The following ATRN variants were observed in gnomAD, a reference collection of about 807,000 sequenced individuals.
ATRN encodes the protein attractin, also known as attractin-2.
ATRN carries 54 observed loss-of-function variants against 178.7 expected under a neutral mutation model. The ratio of observed to expected loss-of-function variants is 0.30; its 90% CI spans 0.24 to 0.38. The LOEUF is 0.38. Ranked by LOEUF, ATRN falls within the 10% of genes least tolerant of loss-of-function variation. The pLI is 1.00. For missense variants in ATRN, 1,443 were observed against 1,815.1 expected, an observed-to-expected ratio of 0.79 and a Z score of 3.73; for synonymous variants, 636 against 663.0, an observed-to-expected ratio of 0.96 and a Z score of 0.63.
intron 1 of ATRN, chr20:3,490,468 C>G (rs1017453781): frequency 3.0e-6 from 3 of 1,003,032 alleles, no homozygotes; most frequent in African/African-American, 3.2e-5. Flanking sequence ...CTCTAGGTAT[C>G]TCTTATACTC....
intron 1 of ATRN, among the ~76,000 whole-genome samples, chr20:3,502,278 A>G (rs80114122): frequency 0.016 from 2,490 of 152,310 alleles, 76 homozygotes; most frequent in African/African-American, 0.056. Flanking sequence ...ATTACAAATA[A>G]GATGGTATAG....
chr20:3,488,390 C>G (rs2084727827), intron 1 of ATRN, among the ~76,000 whole-genome samples: 1 of 151,852 alleles, frequency 6.6e-6, no homozygotes, highest in Non-Finnish European at 1.5e-5. Context: ...AGGTTAGAGA[C>G]ACATTTATTT....
At chr20:3,601,880 A>G (rs917865366) in intron 23 of ATRN, among the ~76,000 whole-genome samples, 3 of 151,602 alleles carry the variant, frequency 2.0e-5, no homozygotes, top group East Asian at 1.9e-4. Flanking sequence ...AAAAAAAAAA[A>G]AAAAAAGAAA....
chr20:3,631,551 T>A (rs189881294), intron 25 of ATRN, among the ~76,000 whole-genome samples: 4 of 152,272 alleles, frequency 2.6e-5, no homozygotes, highest in Non-Finnish European at 4.4e-5. Context: ...GACTCTCCTC[T>A]GCTTGCTTTT....
At chr20:3,541,852 G>T (rs139982734) in intron 3 of ATRN, among the ~76,000 whole-genome samples, 1 of 152,228 alleles carries the variant, frequency 6.6e-6, no homozygotes, top group Non-Finnish European at 1.5e-5. Flanking sequence ...ACTTTAAAAA[G>T]AAATCAGTTC....
intron 1 of ATRN, among the ~76,000 whole-genome samples, chr20:3,514,069 T>C (rs1422930052): frequency 2.0e-5 from 3 of 152,144 alleles, no homozygotes; most frequent in Non-Finnish European, 4.4e-5. Flanking sequence ...GGTACCTCAG[T>C]TGGAAATGCA....
chr20:3,555,500 C>T (rs906840720), intron 6 of ATRN, among the ~76,000 whole-genome samples: 1 of 152,082 alleles, frequency 6.6e-6, no homozygotes, highest in African/African-American at 2.4e-5. Context: ...ATTCCCTACC[C>T]AGAACTCAGA....
intron 24 of ATRN, among the ~76,000 whole-genome samples, chr20:3,608,608 T>C (rs948214935): frequency 1.3e-5 from 2 of 152,216 alleles, no homozygotes; most frequent in African/African-American, 2.4e-5. Context: ...GTGGGTACTA[T>C]AGCTTTGTAG....
chr20:3,628,691 C>G (rs1343983659), intron 25 of ATRN, among the ~76,000 whole-genome samples: 1 of 151,872 alleles, frequency 6.6e-6, no homozygotes. Context: ...AATGTAACCC[C>G]ACAGATTAAG....
rs745883465 is a variant in ATRN, at chr20:3,583,891, T to A, written c.2765-7T>A. 6.2e-7 allele frequency: 1 copy of A among 1,611,630 alleles called. No individual in the cohort carries two copies. On this transcript the variant is annotated splice_polypyrimidine_tract_variant and splice_region_variant and intron_variant, in intron 16 of 28. Transcript: ENST00000262919. ...CTCTAAGTGTCTCTCTTGGGTTTCA[T>A]TCCCAGCAAACCACAGTGCTAAGCA...
At chr20:3,630,943 TTTTTTTTTTTTTTTTTTTTTTG>T (rs2086985428) in intron 25 of ATRN, among the ~76,000 whole-genome samples, 12 of 58,910 alleles carry the variant, frequency 2.0e-4, no homozygotes, top group South Asian at 5.7e-4. Flanking sequence ...TTTTTTTTTT[TTTTTTTTTTTTTTTTTTTTTTG>T]GGATAGGGTC....
intron 1 of ATRN, among the ~76,000 whole-genome samples, chr20:3,477,422 T>C (rs239093): frequency 2.3e-3 from 5 of 2,166 alleles, no homozygotes; most frequent in Admixed American, 4.2e-3. Flanking sequence ...GGCAGGGGCC[T>C]GGAGCATAGT....
At chr20:3,553,692 C>T (rs1357442206) in intron 6 of ATRN, among the ~76,000 whole-genome samples, 1 of 152,168 alleles carries the variant, frequency 6.6e-6, no homozygotes, top group African/African-American at 2.4e-5. Flanking sequence ...TCAAAACGTA[C>T]GGTGTACATC....
intron 11 of ATRN, among the ~76,000 whole-genome samples, chr20:3,569,583 A>G (rs2086088084): frequency 6.6e-6 from 1 of 152,162 alleles, no homozygotes; most frequent in South Asian, 2.1e-4. Flanking sequence ...AGGCTACACT[A>G]AATTTATTTT....
intron 21 of ATRN, 90 bp downstream of exon 21, chr20:3,596,519 A>AGTCTT: frequency 8.1e-7 from 1 of 1,234,808 alleles, no homozygotes; most frequent in Non-Finnish European, 1.2e-6. Context: ...TAAGTGCTAT[A>AGTCTT]AGACTATAGC....
intron 11 of ATRN, among the ~76,000 whole-genome samples, chr20:3,571,723 ATAG>A (rs1360345107): frequency 6.6e-6 from 1 of 152,078 alleles, no homozygotes; most frequent in Non-Finnish European, 1.5e-5. Flanking sequence ...TATGTTAGGG[ATAG>A]TCCTTTTCCT....
At chr20:3,517,087 A>G (rs1385522217) in intron 1 of ATRN, among the ~76,000 whole-genome samples, 2 of 152,152 alleles carry the variant, frequency 1.3e-5, no homozygotes, top group Admixed American at 1.3e-4. Flanking sequence ...GGTTGAACTA[A>G]TTTACACTCC....
At chr20:3,631,859 A>G (rs1214713961) in intron 25 of ATRN, among the ~76,000 whole-genome samples, 1 of 152,166 alleles carries the variant, frequency 6.6e-6, no homozygotes, top group Non-Finnish European at 1.5e-5. Context: ...AATAACAAAA[A>G]TCAGGATTAT....
In ATRN at chr20:3,490,606, C is replaced by T. The variant is rs146128899; in HGVS notation, c.410+19089C>T. The T allele has an allele frequency of 1.2e-4, 121 of 1,017,346 alleles. 1 individual carries two copies. The East Asian group carries it at 2.2e-3, about 19-fold the overall frequency. The allele number at this position is 1,017,346 out of a possible 1,614,324, so 63.0% of individuals were successfully genotyped here. The stretch of plus-strand genomic sequence containing the variant: ...GTAACAGTCACGGAGATCGAGGTAA[C>T]GACCATATCCCTCTTCATCTGTGAA... On this transcript the variant is annotated intron_variant, in intron 1 of 28. Coordinates refer to ENST00000262919, the MANE Select transcript of ATRN (RefSeq NM_139321.3).
Sources: allele counts gnomAD v4.1 joint callset (sites outside exome capture counted in the v4.1 genomes callset), GRCh38; gene constraint gnomAD v4.1.1; transcripts MANE v1.5; gene names NCBI Gene and HGNC (gene_info 2026-07-23, HGNC 2026-07-21).